SRFBP1: variants seen among roughly 807,000 people sequenced by gnomAD.
SRFBP1 encodes the protein serum response factor binding protein 1, also known as serum response factor-binding protein 1.
SRFBP1 carries 47 observed loss-of-function variants against 45.5 expected under a neutral mutation model. The observed-to-expected ratio is 1.03, with a 90% CI of 0.82 to 1.32. The LOEUF (loss-of-function observed/expected upper bound fraction) is 1.32. SRFBP1 is among the 40% of genes most tolerant of loss of function. The pLI is 0.00. For synonymous variants in SRFBP1, 203 were observed against 166.3 expected (o/e 1.22, Z -1.70); for missense variants, 621 against 484.6 (o/e 1.28, Z -2.64).
At chr5:122,018,669 C>T (rs773675351) in intron 4 of SRFBP1, among the ~76,000 whole-genome samples, 27 of 152,096 alleles carry the variant, frequency 1.8e-4, no homozygotes, top group Admixed American at 1.4e-3. Context: ...AGCCTTCATA[C>T]GGCATTTCAA....
At position 122,034,222 on chromosome 5, in the gene SRFBP1, TAAGTG is replaced by T. The variant is rs142293728; in HGVS notation, n.311+11820_311+11824del. Reference sequence around the variant, plus strand: ...CCAAATGAAGATCTTTTCCATTTAATAAGTGAAGTAAGCCCTTTCACATGTGTTAA... The same window carrying T: ...CCAAATGAAGATCTTTTCCATTTAATAAGTAAGCCCTTTCACATGTGTTAA... On this transcript the variant is annotated intron_variant and non_coding_transcript_variant, in intron 2 of 2. Coordinates refer to the SRFBP1 transcript ENST00000504881. Among the ~76,000 whole-genome samples, 1,325 of 152,370 alleles carry T rather than the reference TAAGTG, an allele frequency of 8.7e-3. 7 individuals carry two copies. The highest frequency in any genetic ancestry group is 0.024 in the Middle Eastern group (7 of 294).
At position 122,027,205 on chromosome 5, in the gene SRFBP1, G is replaced by C; in HGVS notation, c.*79G>C. On this transcript the variant is annotated 3_prime_UTR_variant, in exon 8 of 8. Transcript: ENST00000339397. ...AGACAGGATCTCATTCTGTTGCCCA[G>C]ACTAGAGTACAATATTGCAATCACA... The C allele has an allele frequency of 8.5e-7, 1 of 1,183,370 alleles. No homozygotes were observed. Among genetic ancestry groups the C allele is most frequent in the Non-Finnish European group, 1.2e-6 (1 of 844,076 alleles). The allele number at this position is 1,183,370 out of a possible 1,614,324, so 73.3% of individuals were successfully genotyped here.
chr5:122,017,195 A>G (rs545580159), intron 4 of SRFBP1, among the ~76,000 whole-genome samples: 1 of 151,946 alleles, frequency 6.6e-6, no homozygotes, highest in Non-Finnish European at 1.5e-5. Flanking sequence ...CGCTACTGCA[A>G]CTCCAGCCTG....
intron 2 of SRFBP1, among the ~76,000 whole-genome samples, chr5:122,039,530 C>G (rs562271170): frequency 1.3e-5 from 2 of 152,240 alleles, no homozygotes; most frequent in Non-Finnish European, 1.5e-5. Flanking sequence ...CAGTGGAATA[C>G]AGGTAAAATG....
downstream of SRFBP1, among the ~76,000 whole-genome samples, chr5:122,031,344 TATGAGACATGCACAAAAAC>T (rs1256137764): frequency 3.9e-5 from 6 of 152,134 alleles, no homozygotes; most frequent in Non-Finnish European, 5.9e-5. Flanking sequence ...ACCAAAAAAT[TATGAGACATGCACAAAAAC>T]AAGCAAGAAT....
intron 3 of SRFBP1, among the ~76,000 whole-genome samples, chr5:121,988,825 TG>T (rs1752568364): frequency 6.6e-6 from 1 of 152,212 alleles, no homozygotes; most frequent in Non-Finnish European, 1.5e-5. Context: ...TGTACAGAGT[TG>T]AGCAACCTAA....
chr5:121,970,680 T>G (rs1378241065), intron 1 of SRFBP1, among the ~76,000 whole-genome samples: 1 of 152,106 alleles, frequency 6.6e-6, no homozygotes, highest in Non-Finnish European at 1.5e-5. Context: ...CTGTGCATTT[T>G]TAAAATATAT....
chr5:122,033,737 G>A (rs564606834), intron 2 of SRFBP1, among the ~76,000 whole-genome samples: 2 of 151,160 alleles, frequency 1.3e-5, no homozygotes, highest in South Asian at 2.1e-4. Flanking sequence ...GGGATTACAT[G>A]TGTGAGCCCC....
intron 4 of SRFBP1, among the ~76,000 whole-genome samples, chr5:121,997,934 A>G (rs1301115904): frequency 6.6e-6 from 1 of 150,590 alleles, no homozygotes; most frequent in Admixed American, 6.6e-5. Context: ...ATCACTGGCC[A>G]TCAGAGAAAT....
chr5:121,990,386 A>G (rs1005849007), intron 3 of SRFBP1, among the ~76,000 whole-genome samples: 2 of 152,140 alleles, frequency 1.3e-5, no homozygotes, highest in African/African-American at 4.8e-5. Context: ...TTGAGTACCT[A>G]TGGACTTAAA....
exon 3 of SRFBP1, chr5:122,075,492 T>C: frequency 6.2e-7 from 1 of 1,613,448 alleles, no homozygotes; most frequent in Non-Finnish European, 8.5e-7. Flanking sequence ...TGGGGAAATC[T>C]GAGCAGCACC....
chr5:121,975,445 A>C (rs1394437625), intron 3 of SRFBP1, 58 bp downstream of exon 3: 8 of 1,590,814 alleles, frequency 5.0e-6, no homozygotes, highest in South Asian at 1.1e-5. Flanking sequence ...GTTATCCTGC[A>C]TTTTGTTTGT....
chr5:122,072,426 A>G (rs1754476891), intron 2 of SRFBP1, among the ~76,000 whole-genome samples: 1 of 152,260 alleles, frequency 6.6e-6, no homozygotes, highest in Non-Finnish European at 1.5e-5. Context: ...ACTATTTGTT[A>G]CATTAAATTA....
intron 3 of SRFBP1, among the ~76,000 whole-genome samples, chr5:121,987,655 G>T (rs1561581372): frequency 6.6e-6 from 1 of 152,040 alleles, no homozygotes; most frequent in Non-Finnish European, 1.5e-5. Context: ...TTGTATTGGG[G>T]CATAATCCCT....
At chr5:122,001,403 TATTTTTA>T (rs1752865240) in intron 4 of SRFBP1, among the ~76,000 whole-genome samples, 1 of 149,166 alleles carries the variant, frequency 6.7e-6, no homozygotes, top group South Asian at 2.1e-4. Context: ...TTATTTTTTT[TATTTTTA>T]TTTTTTATTT....
intron 4 of SRFBP1, among the ~76,000 whole-genome samples, chr5:122,018,191 G>T (rs1433977280): frequency 2.0e-5 from 3 of 152,152 alleles, no homozygotes; most frequent in Non-Finnish European, 4.4e-5. Flanking sequence ...GCTTAAAGAA[G>T]AACAGATATG....
intron 2 of SRFBP1, among the ~76,000 whole-genome samples, chr5:122,037,722 C>T (rs1411954641): frequency 2.0e-5 from 3 of 151,636 alleles, no homozygotes; most frequent in Admixed American, 6.6e-5. Context: ...GTTGCCACGT[C>T]GCCCAGGCTG....
chr5:121,987,068 C>T (rs192488719), intron 3 of SRFBP1, among the ~76,000 whole-genome samples: 1 of 151,996 alleles, frequency 6.6e-6, no homozygotes, highest in Non-Finnish European at 1.5e-5. Flanking sequence ...TATAATGGGC[C>T]TTGGAGTTAC....
At chr5:122,001,714 A>G (rs1328031514) in intron 4 of SRFBP1, among the ~76,000 whole-genome samples, 4 of 151,684 alleles carry the variant, frequency 2.6e-5, no homozygotes, top group Non-Finnish European at 5.9e-5. Flanking sequence ...GGCGCCCGCC[A>G]CCGTGCCCGG....
Sources: gnomAD v4.1 joint callset for allele counts (sites outside exome capture counted in the v4.1 genomes callset) on GRCh38, gnomAD v4.1.1 for gene constraint, MANE v1.5 for transcripts, NCBI Gene and HGNC (gene_info 2026-07-23, HGNC 2026-07-21) for gene names.